Variants in NCKAP5 observed in about 807,000 individuals in gnomAD.
NCKAP5 encodes NCK associated protein 5, also known as nck-associated protein 5.
In NCKAP5, 92 loss-of-function variants were observed where a neutral mutation model predicts 167.0. That is an observed-to-expected ratio of 0.55 (90% CI 0.47 to 0.66). The LOEUF is 0.66. Among genes scored for constraint, NCKAP5 ranks in the 30% least tolerant of loss-of-function variants. The pLI is 0.00. For missense variants in NCKAP5, 2,378 were observed against 2,315.0 expected (o/e 1.03, Z -0.56); for synonymous variants, 891 against 877.4 (o/e 1.02, Z -0.27).
chr2:133,381,654 G>A (rs926598936), intron 3 of NCKAP5: 1 of 152,206 alleles, frequency 6.6e-6, no homozygotes, highest in African/African-American at 2.4e-5. Flanking sequence ...AATCACAGTG[G>A]CCAAATCCCA....
intron 17 of NCKAP5, among the ~76,000 whole-genome samples, chr2:132,730,618 T>G (rs1198992782): frequency 6.6e-6 from 1 of 152,242 alleles, no homozygotes; most frequent in East Asian, 1.9e-4. Flanking sequence ...CGGTTTCTAT[T>G]CAATTTGTTA....
intron 3 of NCKAP5, among the ~76,000 whole-genome samples, chr2:133,400,179 T>C (rs1331680902): frequency 6.6e-6 from 1 of 152,084 alleles, no homozygotes; most frequent in African/African-American, 2.4e-5. Flanking sequence ...TTAATGAGGA[T>C]CACAATTTTT....
intron 4 of NCKAP5, among the ~76,000 whole-genome samples, chr2:133,255,526 G>A (rs1323082615): frequency 6.7e-6 from 1 of 150,152 alleles, no homozygotes; most frequent in African/African-American, 2.5e-5. Context: ...GGGAATGTGT[G>A]TACAAATACA....
chr2:133,303,155 C>T, intron 3 of NCKAP5, 45 bp from the exon 4 acceptor site: 1 of 1,345,546 alleles, frequency 7.4e-7, no homozygotes, highest in Non-Finnish European at 1.0e-6. Context: ...TATGACAGTC[C>T]CCACCATCCT....
At chr2:133,268,729 A>G (rs1574553747) in intron 4 of NCKAP5, among the ~76,000 whole-genome samples, 2 of 152,094 alleles carry the variant, frequency 1.3e-5, no homozygotes, top group African/African-American at 4.8e-5. Flanking sequence ...CGCGGCCTCC[A>G]AAAGTGCTGG....
chr2:133,672,734 A>C, the NCKAP5 span, among the ~76,000 whole-genome samples: 283 of 152,306 alleles, frequency 1.9e-3, 3 homozygotes, highest in Middle Eastern at 6.8e-3. Flanking sequence ...AACTTTATTT[A>C]CAAAAAAACA....
At chr2:133,643,922 C>T in the NCKAP5 span, among the ~76,000 whole-genome samples, 1 of 152,202 alleles carries the variant, frequency 6.6e-6, no homozygotes, top group Admixed American at 6.5e-5. Context: ...CTGCCTGAAA[C>T]CTTTACCTCT....
At position 132,785,180 on chromosome 2, in the gene NCKAP5, C is replaced by G. The variant is rs1357033973; in HGVS notation, c.1631G>C (p.Cys544Ser). 1.9e-6 allele frequency: 3 copies of G among 1,585,778 alleles called. No individual in the cohort carries two copies. Among genetic ancestry groups the G allele is most frequent in the South Asian group, 1.2e-5 (1 of 86,400 alleles). ...TGGGCACAGCTTCATCTCTAAGGGACAGCTGCTGGCGCAACTTGTCAGCTT... is the reference window on the plus strand; with the variant it reads ...TGGGCACAGCTTCATCTCTAAGGGAGAGCTGCTGGCGCAACTTGTCAGCTT... ...PEKLTSCASS[C>S]PLEMKLCPSV... The change falls in exon 14 of 20, where the codon TGT (cysteine) becomes TCT (serine). Residue 544 changes from cysteine (C) to serine (S), a missense_variant. Around this residue, in one of 3 missense-constraint regions of NCKAP5, gnomAD observed 1,049 missense variants for 1,023.4 expected, o/e 1.02. Coordinates refer to ENST00000409261, the MANE Select transcript of NCKAP5 (RefSeq NM_207363.3).
chr2:133,549,216 C>A (rs371490950), intron 2 of NCKAP5, among the ~76,000 whole-genome samples: 1 of 151,938 alleles, frequency 6.6e-6, no homozygotes, highest in African/African-American at 2.4e-5. Context: ...CAGGAGCACC[C>A]AGGTTCATAA....
intron 6 of NCKAP5, among the ~76,000 whole-genome samples, chr2:133,011,945 G>T (rs917629293): frequency 6.6e-6 from 1 of 152,020 alleles, no homozygotes; most frequent in African/African-American, 2.4e-5. Flanking sequence ...GGCTATTGCT[G>T]GACCCCTTGC....
At chr2:132,906,907 G>A (rs1694050094) in intron 8 of NCKAP5, among the ~76,000 whole-genome samples, 1 of 152,260 alleles carries the variant, frequency 6.6e-6, no homozygotes, top group African/African-American at 2.4e-5. Context: ...GATGAATAAA[G>A]GATTCAGGCT....
At chr2:132,895,703 A>G (rs1270203540) in intron 8 of NCKAP5, among the ~76,000 whole-genome samples, 1 of 151,958 alleles carries the variant, frequency 6.6e-6, no homozygotes, top group African/African-American at 2.4e-5. Flanking sequence ...TTCTAGCAAC[A>G]CTACAAAAGA....
chr2:132,917,380 T>A (rs1694967863), intron 8 of NCKAP5, among the ~76,000 whole-genome samples: 1 of 152,254 alleles, frequency 6.6e-6, no homozygotes, highest in Non-Finnish European at 1.5e-5. Flanking sequence ...TGTGTTCTGA[T>A]GTTATACAGA....
At chr2:132,992,366 C>T (rs1250350421) in intron 7 of NCKAP5, among the ~76,000 whole-genome samples, 2 of 152,202 alleles carry the variant, frequency 1.3e-5, no homozygotes, top group South Asian at 2.1e-4. Context: ...TAAGTGTCTA[C>T]ACCACAGATG....
chr2:132,998,566 A>G (rs555663500), intron 6 of NCKAP5, among the ~76,000 whole-genome samples: 1 of 152,330 alleles, frequency 6.6e-6, no homozygotes, highest in South Asian at 2.1e-4. Context: ...TATAAACCTG[A>G]TAAGAATATG....
intron 11 of NCKAP5, among the ~76,000 whole-genome samples, chr2:132,809,394 G>A (rs1210704706): frequency 6.6e-6 from 1 of 152,104 alleles, no homozygotes; most frequent in African/African-American, 2.4e-5. Flanking sequence ...TTATTGGGTT[G>A]CCGTCCATCT....
intron 18 of NCKAP5, among the ~76,000 whole-genome samples, chr2:132,727,979 G>A (rs1274303002): frequency 6.6e-6 from 1 of 152,184 alleles, no homozygotes; most frequent in Non-Finnish European, 1.5e-5. Flanking sequence ...AGTAAAAATA[G>A]CAACCAAGGC....
chr2:132,927,558 T>C (rs1249839081), intron 8 of NCKAP5, among the ~76,000 whole-genome samples: 1 of 152,170 alleles, frequency 6.6e-6, no homozygotes, highest in Non-Finnish European at 1.5e-5. Flanking sequence ...GTTTTGTAAT[T>C]TTCCTCATAG....
intron 8 of NCKAP5, among the ~76,000 whole-genome samples, chr2:132,939,651 C>T (rs1397364832): frequency 6.6e-6 from 1 of 151,852 alleles, no homozygotes; most frequent in Non-Finnish European, 1.5e-5. Context: ...TCTTTAGTGG[C>T]GATTTCTGAG....
Sources: gnomAD v4.1 joint callset for allele counts (sites outside exome capture counted in the v4.1 genomes callset) on GRCh38, gnomAD v4.1.1 for gene constraint, gnomAD v4.1.1 regional missense constraint, MANE v1.5 for transcripts, NCBI Gene and HGNC (gene_info 2026-07-23, HGNC 2026-07-21) for gene names.